The following P2RY6 variants were observed in gnomAD, a reference collection of about 807,000 sequenced individuals.
The protein encoded by P2RY6 is pyrimidinergic receptor P2Y6, also known as P2Y purinoceptor 6.
P2RY6 carries 19 observed loss-of-function variants against 16.3 expected under a neutral mutation model. The observed-to-expected ratio is 1.16, with a 90% CI of 0.81 to 1.71. The LOEUF (loss-of-function observed/expected upper bound fraction) is 1.71. Among genes scored for constraint, P2RY6 ranks in the 40% most tolerant of loss-of-function variants. The probability of loss-of-function intolerance (pLI) is 0.00; values close to 1 mark genes in which losing one functional copy is unlikely to be tolerated. For missense variants in P2RY6, 389 were observed against 455.5 expected (o/e 0.85, Z 1.33); for synonymous variants, 184 against 201.5 (o/e 0.91, Z 0.74).
intron 1 of P2RY6, among the ~76,000 whole-genome samples, chr11:73,290,974 AACTAAAAGGCCGGTGGGTAATGGGT>A (rs1340421519): frequency 2.6e-5 from 4 of 152,224 alleles, no homozygotes; most frequent in African/African-American, 9.6e-5. Flanking sequence ...GAAGGCAAAG[AACTAAAAGGCCGGTGGGTAATGGGT>A]ACTCAGTGGT....
At chr11:73,275,900 C>T (rs1042580349) in intron 1 of P2RY6, among the ~76,000 whole-genome samples, 6 of 152,162 alleles carry the variant, frequency 3.9e-5, no homozygotes, top group African/African-American at 1.4e-4. Flanking sequence ...ATAACAGCAA[C>T]ACCAAGAGCG....
intron 1 of P2RY6, among the ~76,000 whole-genome samples, chr11:73,281,105 T>C (rs1439380189): frequency 6.6e-6 from 1 of 152,148 alleles, no homozygotes; most frequent in Non-Finnish European, 1.5e-5. Flanking sequence ...GACCTCAGTT[T>C]TTCCACCAGA....
At chr11:73,293,121 G>A (rs186222199) in intron 1 of P2RY6, among the ~76,000 whole-genome samples, 165 of 152,312 alleles carry the variant, frequency 1.1e-3, no homozygotes, top group Admixed American at 2.7e-3. Flanking sequence ...AGCAAGGTGA[G>A]ATCTGGAGCT....
rs376504189 is a variant in P2RY6 at position 73,296,970 on chromosome 11, T to A, written c.452T>A (p.Val151Glu). ...RRAAWLVCVA[V>E]WLAVTTQCLP... ...GCTGCCTGGCTAGTGTGTGTAGCCGTGTGGCTGGCCGTGACAACCCAGTGC... is the reference window on the plus strand; with the variant it reads ...GCTGCCTGGCTAGTGTGTGTAGCCGAGTGGCTGGCCGTGACAACCCAGTGC... Residue 151 changes from valine (V) to glutamate (E), a missense_variant, in exon 3 of 3, where the codon GTG (valine) becomes GAG (glutamate). Coordinates refer to ENST00000540124, the MANE Select transcript of P2RY6 (RefSeq NM_001277204.2). The A allele has an allele frequency of 1.3e-5, 21 of 1,602,978 alleles. No individual in the cohort carries two copies. Among genetic ancestry groups the A allele is most frequent in the Non-Finnish European group, 1.8e-5 (21 of 1,179,970 alleles).
intron 1 of P2RY6, among the ~76,000 whole-genome samples, chr11:73,283,616 C>T (rs1229304761): frequency 6.6e-6 from 1 of 152,222 alleles, no homozygotes; most frequent in Non-Finnish European, 1.5e-5. Flanking sequence ...CAGACAGTTG[C>T]TGGCTCCTTG....
chr11:73,296,228 AAAAAAAT>A, intron 2 of P2RY6, among the ~76,000 whole-genome samples: 1 of 124,202 alleles, frequency 8.1e-6, no homozygotes, highest in Admixed American at 7.6e-5. Flanking sequence ...TGAAGGAAAA[AAAAAAAT>A]ATATATATAT....
chr11:73,272,275 C>G, upstream of P2RY6: 1 of 915,110 alleles, frequency 1.1e-6, no homozygotes, highest in Non-Finnish European at 1.3e-6. Flanking sequence ...CTTGCCAGCT[C>G]TGTGCTGTGG....
At chr11:73,295,931 C>A in intron 2 of P2RY6, 116 bp downstream of exon 2, 1 of 227,290 alleles carries the variant, frequency 4.4e-6, no homozygotes. Context: ...AGGCAGGTCT[C>A]AGTCTCTGAG....
intron 1 of P2RY6, among the ~76,000 whole-genome samples, chr11:73,282,960 C>A (rs548598342): frequency 5.9e-5 from 9 of 152,234 alleles, no homozygotes; most frequent in African/African-American, 2.2e-4. Context: ...TGACTGTTGA[C>A]AATACTTAAA....
intron 1 of P2RY6, among the ~76,000 whole-genome samples, chr11:73,283,280 C>T (rs1173484535): frequency 6.6e-6 from 1 of 152,164 alleles, no homozygotes; most frequent in Non-Finnish European, 1.5e-5. Context: ...AGCAACGACC[C>T]CTCCTATTCT....
At chr11:73,277,531 G>A (rs1327089170) in intron 1 of P2RY6, among the ~76,000 whole-genome samples, 1 of 152,220 alleles carries the variant, frequency 6.6e-6, no homozygotes, top group Non-Finnish European at 1.5e-5. Flanking sequence ...GAAGACGCAA[G>A]ACTTCTGGTT....
At position 73,295,825 on chromosome 11, in the gene P2RY6, C is replaced by A; in HGVS notation, c.-35+10C>A. 1 of 975,818 alleles carries A rather than the reference C, an allele frequency of 1.0e-6. No individual in the cohort carries two copies. The highest frequency in any genetic ancestry group is 4.7e-5 in the South Asian group (1 of 21,082). 60.4% of individuals were successfully genotyped at this position (975,818 alleles called of 1,614,324 possible). A position where few individuals can be genotyped will look rare whatever the true frequency, so the allele number is the denominator to read the frequency against. On this transcript the variant is annotated intron_variant, in intron 2 of 2. Coordinates refer to ENST00000540124, the MANE Select transcript of P2RY6 (RefSeq NM_001277204.2). The stretch of plus-strand genomic sequence containing the variant: ...CCTCAGTGAGCCCCTGGTGTGTGGA[C>A]CCTTCGCATTGGTTAACTAAGAGTT...
intron 1 of P2RY6, among the ~76,000 whole-genome samples, chr11:73,291,916 C>T (rs1041266755): frequency 1.3e-5 from 2 of 152,242 alleles, no homozygotes; most frequent in African/African-American, 2.4e-5. Context: ...ATTCTTTCCC[C>T]ACACCATCCT....
At chr11:73,277,152 C>T (rs143910578) in intron 1 of P2RY6, among the ~76,000 whole-genome samples, 69 of 150,654 alleles carry the variant, frequency 4.6e-4, no homozygotes, top group African/African-American at 1.4e-3. Flanking sequence ...TTCACTCTGT[C>T]GCCCAGGCTG....
At chr11:73,294,221 CTCTG>C (rs1864386109) in intron 1 of P2RY6, among the ~76,000 whole-genome samples, 2 of 152,210 alleles carry the variant, frequency 1.3e-5, no homozygotes, top group South Asian at 4.1e-4. Context: ...CCAGGCCTTG[CTCTG>C]TCTTTCATTC....
intron 1 of P2RY6, among the ~76,000 whole-genome samples, chr11:73,287,431 C>G (rs1864012603): frequency 6.6e-6 from 1 of 152,220 alleles, no homozygotes; most frequent in Non-Finnish European, 1.5e-5. Flanking sequence ...ACTCCCAGAT[C>G]CCCAAGACTC....
intron 1 of P2RY6, among the ~76,000 whole-genome samples, chr11:73,287,556 C>T (rs1864017945): frequency 6.6e-6 from 1 of 152,226 alleles, no homozygotes; most frequent in African/African-American, 2.4e-5. Flanking sequence ...CAATGACTGC[C>T]AGGCTAGCCA....
intron 1 of P2RY6, among the ~76,000 whole-genome samples, chr11:73,266,995 C>G (rs1365719575): frequency 2.0e-5 from 3 of 152,166 alleles, no homozygotes; most frequent in African/African-American, 7.2e-5. Flanking sequence ...CACTTCTGGC[C>G]CTGATTTCCT....
At chr11:73,291,186 G>A (rs1864231077) in intron 1 of P2RY6, among the ~76,000 whole-genome samples, 1 of 152,152 alleles carries the variant, frequency 6.6e-6, no homozygotes, top group South Asian at 2.1e-4. Context: ...GGGATTAGGG[G>A]TCTCCAGATC....
Sources: gnomAD v4.1 joint callset for allele counts (sites outside exome capture counted in the v4.1 genomes callset) on GRCh38, gnomAD v4.1.1 for gene constraint, MANE v1.5 for transcripts, NCBI Gene and HGNC (gene_info 2026-07-23, HGNC 2026-07-21) for gene names.